MAF: variants seen among roughly 807,000 people sequenced by gnomAD.
The protein encoded by MAF is MAF bZIP transcription factor.
In MAF, 10 loss-of-function variants were observed where a neutral mutation model predicts 22.0. The observed-to-expected ratio is 0.45, with a 90% CI of 0.28 to 0.77. MAF has a LOEUF of 0.77. Ranked by LOEUF, MAF falls within the 30% of genes least tolerant of loss-of-function variation. MAF has a pLI of 0.12. For missense variants in MAF, 544 were observed against 548.4 expected, an observed-to-expected ratio of 0.99 and a Z score of 0.08; for synonymous variants, 337 against 255.8, an observed-to-expected ratio of 1.32 and a Z score of -3.03.
the MAF span, among the ~76,000 whole-genome samples, chr16:79,421,340 T>C: frequency 2.5e-4 from 38 of 152,206 alleles, no homozygotes; most frequent in Non-Finnish European, 5.0e-4. Flanking sequence ...CAGAGCCATG[T>C]TCCTGCCCTG....
At chr16:79,453,596 T>C in the MAF span, among the ~76,000 whole-genome samples, 6 of 152,190 alleles carry the variant, frequency 3.9e-5, no homozygotes, top group African/African-American at 1.2e-4. Flanking sequence ...AAGGTCGGCT[T>C]TATTAGGAGA....
At chr16:79,448,725 T>G in the MAF span, among the ~76,000 whole-genome samples, 1 of 151,684 alleles carries the variant, frequency 6.6e-6, no homozygotes, top group African/African-American at 2.4e-5. Context: ...GCGCCTGGCC[T>G]GAAGCATTTT....
the MAF span, among the ~76,000 whole-genome samples, chr16:79,229,886 G>C: frequency 1.3e-5 from 2 of 152,022 alleles, no homozygotes; most frequent in Non-Finnish European, 2.9e-5. Flanking sequence ...GCTTGCGGCA[G>C]CCTGTGTATT....
Position 79,599,942 on chromosome 16 carries a change from G to A in MAF, c.-40C>T. 1.3e-6 allele frequency: 2 copies of A among 1,598,082 alleles called. No homozygotes were observed. The highest frequency in any genetic ancestry group is 1.1e-5 in the South Asian group (1 of 91,010). On this transcript the variant is annotated 5_prime_UTR_variant, in exon 1 of 2. Transcript: ENST00000326043. The stretch of plus-strand genomic sequence containing the variant: ...CGCCGCCGCCGCCGCCGCTCCGCCA[G>A]ATGGGCTGCAGGAGAGGGGCCAGCG...
At chr16:79,477,464 T>A in the MAF span, among the ~76,000 whole-genome samples, 1 of 152,204 alleles carries the variant, frequency 6.6e-6, no homozygotes, top group Non-Finnish European at 1.5e-5. Flanking sequence ...TCATATTCTC[T>A]TCCAGCATGA....
the MAF span, among the ~76,000 whole-genome samples, chr16:79,323,242 G>A: frequency 2.0e-5 from 3 of 146,582 alleles, no homozygotes; most frequent in African/African-American, 7.5e-5. Flanking sequence ...GTCTAGTCCC[G>A]GGGGTTCAAC....
the MAF span, among the ~76,000 whole-genome samples, chr16:79,432,621 T>C: frequency 6.6e-6 from 1 of 152,210 alleles, no homozygotes; most frequent in South Asian, 2.1e-4. Context: ...TTTCAGAATG[T>C]GACCTTATTT....
chr16:79,257,132 A>G, the MAF span, among the ~76,000 whole-genome samples: 1 of 152,116 alleles, frequency 6.6e-6, no homozygotes, highest in South Asian at 2.1e-4. Context: ...AGCCAAGATC[A>G]TGCCACTGCA....
At chr16:79,446,406 C>G in the MAF span, among the ~76,000 whole-genome samples, 1 of 152,132 alleles carries the variant, frequency 6.6e-6, no homozygotes, top group Admixed American at 6.5e-5. Context: ...AGGACAGCCC[C>G]AGGTTACACC....
chr16:79,421,007 C>G, the MAF span, among the ~76,000 whole-genome samples: 1 of 150,988 alleles, frequency 6.6e-6, no homozygotes, highest in Non-Finnish European at 1.5e-5. Flanking sequence ...TCACTCCAGC[C>G]TGGTGACAGA....
chr16:79,545,410 G>T, the MAF span, among the ~76,000 whole-genome samples: 3 of 152,090 alleles, frequency 2.0e-5, no homozygotes, highest in African/African-American at 7.2e-5. Flanking sequence ...GATTCAAGGG[G>T]ACAGCAGAAT....
chr16:79,387,494 C>T, the MAF span, among the ~76,000 whole-genome samples: 2 of 152,124 alleles, frequency 1.3e-5, no homozygotes, highest in Admixed American at 1.3e-4. Flanking sequence ...CTTGGTATTA[C>T]TCTAAGTCTG....
Position 79,600,704 on chromosome 16 carries a change from T to C in MAF, c.-802A>G, listed in dbSNP as rs145695201. On this transcript the variant is annotated 5_prime_UTR_variant, in exon 1 of 2. Coordinates refer to ENST00000326043, the MANE Select transcript of MAF (RefSeq NM_005360.5). ...AGCAGCCCGAGCTACAGCTAGAAGATGAAAAAAGATTTTAAAGCCTCTGAT... is the reference window on the plus strand; with the variant it reads ...AGCAGCCCGAGCTACAGCTAGAAGACGAAAAAAGATTTTAAAGCCTCTGAT... 6.6e-4 allele frequency: 129 copies of C among 194,748 alleles called. No individual in the cohort carries two copies. In the East Asian group the frequency reaches 9.2e-3, roughly 14 times the overall value. The allele number at this position is 194,748 out of a possible 1,614,324, so 12.1% of individuals were successfully genotyped here.
the MAF span, among the ~76,000 whole-genome samples, chr16:79,559,037 C>T: frequency 2.0e-5 from 3 of 152,124 alleles, no homozygotes; most frequent in African/African-American, 7.2e-5. Flanking sequence ...CGCCTGGTGG[C>T]TGTGTGTTTG....
At chr16:79,274,684 C>A in the MAF span, among the ~76,000 whole-genome samples, 1 of 152,162 alleles carries the variant, frequency 6.6e-6, no homozygotes, top group Non-Finnish European at 1.5e-5. Flanking sequence ...GCTTAAGCTG[C>A]AAAGAATGGT....
chr16:79,598,807 G>A lies in MAF; in HGVS notation c.1096C>T (p.Pro366Ser). The A allele has an allele frequency of 1.2e-6, 2 of 1,613,836 alleles. No homozygotes were observed. The highest frequency in any genetic ancestry group is 1.7e-6 in the Non-Finnish European group (2 of 1,179,980). ...FRENGSSSDN[P>S]SSPEFFITEP... is the part of the protein sequence containing the mutation. The stretch of plus-strand genomic sequence containing the variant: ...CACATGAAAAACTCGGGAGAGGACG[G>A]GTTGTCGCTGCTCGAGCCGTTTTCT... The change falls in exon 1 of 2, where the codon CCG becomes TCG. Residue 366 changes from proline (P) to serine (S), a missense_variant. By Grantham distance (74) the Pro-to-Ser change is moderately conservative. Coordinates refer to ENST00000326043, the MANE Select transcript of MAF (RefSeq NM_005360.5).
the MAF span, among the ~76,000 whole-genome samples, chr16:79,517,783 C>T: frequency 6.6e-6 from 1 of 151,990 alleles, no homozygotes; most frequent in African/African-American, 2.4e-5. Context: ...CCATGTTGGC[C>T]AGGCTGGTCT....
chr16:79,442,769 C>A, the MAF span, among the ~76,000 whole-genome samples: 4 of 152,140 alleles, frequency 2.6e-5, no homozygotes, highest in Non-Finnish European at 4.4e-5. Context: ...TGAAGAGAGG[C>A]CTTGGAAACA....
chr16:79,394,091 C>T, the MAF span, among the ~76,000 whole-genome samples: 27 of 152,184 alleles, frequency 1.8e-4, no homozygotes, highest in Non-Finnish European at 2.8e-4. Context: ...TCTTCACCGT[C>T]ATTCTCTGTG....
Sources: allele counts gnomAD v4.1 joint callset (sites outside exome capture counted in the v4.1 genomes callset), GRCh38; gene constraint gnomAD v4.1.1; transcripts MANE v1.5; gene names NCBI Gene and HGNC (gene_info 2026-07-23, HGNC 2026-07-21).